Variants in RANBP9 observed in about 807,000 individuals in gnomAD.
RANBP9 encodes the protein ran-binding protein 9.
Under a neutral mutation model 84.3 loss-of-function variants are expected in RANBP9, and 15 were observed. The ratio of observed to expected loss-of-function variants is 0.18; its 90% CI spans 0.12 to 0.27. The LOEUF (loss-of-function observed/expected upper bound fraction) is 0.27. Ranked by LOEUF, RANBP9 falls within the 10% of genes least tolerant of loss-of-function variation. The probability of loss-of-function intolerance (pLI) is 1.00; values close to 1 mark genes in which losing one functional copy is unlikely to be tolerated. For missense variants in RANBP9, 809 were observed against 912.8 expected, an observed-to-expected ratio of 0.89 and a Z score of 1.46; for synonymous variants, 392 against 349.6, an observed-to-expected ratio of 1.12 and a Z score of -1.35.
At chr6:13,692,813 A>G (rs151291752) in intron 2 of RANBP9, among the ~76,000 whole-genome samples, 1 of 152,294 alleles carries the variant, frequency 6.6e-6, no homozygotes, top group East Asian at 1.9e-4. Context: ...AGATCGTGCC[A>G]CTGCACTCCA....
At chr6:13,622,663 A>C (rs1764483952) in intron 13 of RANBP9, among the ~76,000 whole-genome samples, 171 bp from the exon 14 acceptor site, 1 of 152,238 alleles carries the variant, frequency 6.6e-6, no homozygotes, top group African/African-American at 2.4e-5. Flanking sequence ...TGGACATACT[A>C]TTCTGACAAG....
chr6:13,648,288 C>T (rs1333780154), intron 5 of RANBP9, among the ~76,000 whole-genome samples: 14 of 151,700 alleles, frequency 9.2e-5, no homozygotes, highest in Admixed American at 7.9e-4. Context: ...TATGGGACTA[C>T]AGCCACATGC....
intron 5 of RANBP9, among the ~76,000 whole-genome samples, chr6:13,651,878 C>G (rs1239070422): frequency 6.6e-6 from 1 of 152,168 alleles, no homozygotes; most frequent in African/African-American, 2.4e-5. Context: ...ATTATTATCT[C>G]TGATCATCTG....
Position 13,693,889 on chromosome 6 carries a change from A to G in RANBP9, c.683+2896T>C, listed in dbSNP as rs547778949. ...GAAACCCTGTCTCTACTAAAAATACAAAAATTAGCCAGGTGTGGTGGTGGG... is the reference window on the plus strand; with the variant it reads ...GAAACCCTGTCTCTACTAAAAATACGAAAATTAGCCAGGTGTGGTGGTGGG... On this transcript the variant is annotated intron_variant, in intron 2 of 13. Transcript: ENST00000011619. Among the ~76,000 whole-genome samples, 3 of 152,132 alleles carry G rather than the reference A, an allele frequency of 2.0e-5. No homozygotes were observed. The East Asian group carries it at 5.8e-4, about 29-fold the overall frequency.
intron 2 of RANBP9, among the ~76,000 whole-genome samples, chr6:13,679,087 A>C (rs1317724954): frequency 1.3e-5 from 2 of 152,178 alleles, no homozygotes; most frequent in African/African-American, 4.8e-5. Context: ...TTCTAATTCT[A>C]TGCTGACAGT....
chr6:13,676,729 A>T (rs1457812851), intron 2 of RANBP9, among the ~76,000 whole-genome samples: 2 of 152,136 alleles, frequency 1.3e-5, no homozygotes, highest in African/African-American at 4.8e-5. Context: ...AAAACAATGT[A>T]ATCAATCACA....
chr6:13,680,477 C>T (rs141962405), intron 2 of RANBP9, among the ~76,000 whole-genome samples: 347 of 152,160 alleles, frequency 2.3e-3, no homozygotes, highest in African/African-American at 7.6e-3. Context: ...GTGGTTCATG[C>T]GTGTAATCCC....
intron 1 of RANBP9, among the ~76,000 whole-genome samples, chr6:13,709,718 T>C (rs1758225797): frequency 6.6e-6 from 1 of 152,258 alleles, no homozygotes; most frequent in Non-Finnish European, 1.5e-5. Flanking sequence ...CGTGATTCTT[T>C]GCAGCCAAAT....
chr6:13,710,477 T>C (rs1256995292), intron 1 of RANBP9, among the ~76,000 whole-genome samples: 3 of 152,090 alleles, frequency 2.0e-5, no homozygotes, highest in Non-Finnish European at 2.9e-5. Flanking sequence ...ATCCCTGCTC[T>C]CTCTTAATTA....
chr6:13,707,548 T>TA (rs1326788798), intron 1 of RANBP9, among the ~76,000 whole-genome samples: 2 of 152,326 alleles, frequency 1.3e-5, no homozygotes, highest in Non-Finnish European at 2.9e-5. Context: ...CATATGAACT[T>TA]AAAGAGGCAA....
At chr6:13,644,133 T>C (rs950071417) in intron 6 of RANBP9, among the ~76,000 whole-genome samples, 2 of 152,170 alleles carry the variant, frequency 1.3e-5, no homozygotes, top group African/African-American at 4.8e-5. Context: ...CATAGCCAAG[T>C]TCATGACCAA....
chr6:13,691,090 C>T (rs1050309785), intron 2 of RANBP9, among the ~76,000 whole-genome samples: 7 of 151,434 alleles, frequency 4.6e-5, no homozygotes, highest in African/African-American at 1.7e-4. Context: ...ATTCCTTGAA[C>T]CCAGGAGACA....
intron 12 of RANBP9, among the ~76,000 whole-genome samples, chr6:13,629,304 A>C (rs889952596): frequency 6.6e-6 from 1 of 151,816 alleles, no homozygotes; most frequent in African/African-American, 2.4e-5. Flanking sequence ...ATAATTGGAA[A>C]TAATGCATAG....
Position 13,711,621 on chromosome 6 carries a change from AAGCAGGCGGCGGGCCGCGCGCCCAGGG to A in RANBP9, c.-143_-117del. The A allele has an allele frequency of 9.7e-7, 1 of 1,029,328 alleles. No homozygotes were observed. Among genetic ancestry groups the A allele is most frequent in the Admixed American group, 4.7e-5 (1 of 21,362 alleles). 63.8% of individuals were successfully genotyped at this position (1,029,328 alleles called of 1,614,324 possible). ...CAGGCGCCCAGTCCGCCCGCCCCGG[AAGCAGGCGGCGGGCCGCGCGCCCAGGG>A]AGACCGCGGCGGTTGAGGAGCTCGG... On this transcript the variant is annotated 5_prime_UTR_variant, in exon 1 of 14. Transcript: ENST00000011619.
At chr6:13,671,973 A>T (rs1427152009) in intron 2 of RANBP9, among the ~76,000 whole-genome samples, 1 of 152,212 alleles carries the variant, frequency 6.6e-6, no homozygotes, top group Non-Finnish European at 1.5e-5. Context: ...AAACATGTGA[A>T]TATAGACATA....
At chr6:13,677,442 T>A (rs1765918139) in intron 2 of RANBP9, among the ~76,000 whole-genome samples, 1 of 152,158 alleles carries the variant, frequency 6.6e-6, no homozygotes, top group Admixed American at 6.5e-5. Context: ...TGTATATAAG[T>A]TACTGACACA....
In RANBP9 at chr6:13,659,257, T is replaced by TACACACACACACACAC. The variant is rs60255234; in HGVS notation, c.684-441_684-426dup. Among the ~76,000 whole-genome samples the TACACACACACACACAC allele has an allele frequency of 7.7e-5, 10 of 130,668 alleles. No homozygotes were observed. The East Asian group carries it at 7.7e-4, about 10-fold the overall frequency. 85.7% of individuals were successfully genotyped at this position (130,668 alleles called of 152,430 possible). On this transcript the variant is annotated intron_variant, in intron 2 of 13. Coordinates refer to ENST00000011619, the MANE Select transcript of RANBP9 (RefSeq NM_005493.3). ...AATTTAGACCCCACACACACACACA[T>TACACACACACACACAC]ACACACACACACACACACACACACA...
chr6:13,711,466 G>A lies in RANBP9; in HGVS notation c.40C>T (p.Gln14Ter). 8.1e-7 allele frequency: 1 copy of A among 1,235,872 alleles called. No homozygotes were observed. Among genetic ancestry groups the A allele is most frequent in the Non-Finnish European group, 1.0e-6 (1 of 988,092 alleles). The allele number at this position is 1,235,872 out of a possible 1,614,324, so 76.6% of individuals were successfully genotyped here. A position where few individuals can be genotyped will look rare whatever the true frequency, so the allele number is the denominator to read the frequency against. Residue 14 changes from glutamine to a stop codon, truncating the protein, a stop_gained, in exon 1 of 14, where the codon CAA (glutamine) becomes TAA (stop). Transcript: ENST00000011619. LOFTEE classifies it high-confidence loss of function. Reference sequence around the variant, plus strand: ...GGCGGCGACAGCTGCTGCTGCTGTTGCTGCTGCTGCGGCGGCGGCGGCGGC... The same window carrying A: ...GGCGGCGACAGCTGCTGCTGCTGTTACTGCTGCTGCGGCGGCGGCGGCGGC... ...QPPPPPPQQQQQQQQLSPPPP... is the reference protein window; with the variant it reads ...QPPPPPPQQQ
Position 13,682,763 on chromosome 6 carries a change from C to T in RANBP9, c.683+14022G>A, listed in dbSNP as rs565612099. Among the ~76,000 whole-genome samples, 7 of 151,984 alleles carry T rather than the reference C, an allele frequency of 4.6e-5. No homozygotes were observed. In the South Asian group the frequency reaches 1.5e-3, roughly 32 times the overall value. On this transcript the variant is annotated intron_variant, in intron 2 of 13. Coordinates refer to ENST00000011619, the MANE Select transcript of RANBP9 (RefSeq NM_005493.3). ...TGTATCAAGATATTCTAGGCTAAAG[C>T]AAATAAATATGTAAATATCACTAGA...
Sources: allele counts gnomAD v4.1 joint callset (sites outside exome capture counted in the v4.1 genomes callset), GRCh38; gene constraint gnomAD v4.1.1; transcripts MANE v1.5; gene names NCBI Gene and HGNC (gene_info 2026-07-23, HGNC 2026-07-21).